RORA: variants seen among roughly 807,000 people sequenced by gnomAD.
RORA encodes the protein nuclear receptor ROR-alpha.
A neutral mutation model predicts 69.5 loss-of-function variants in RORA; 7 were observed. The observed-to-expected ratio is 0.10, with a 90% CI of 0.06 to 0.19. RORA has a LOEUF of 0.19. Among genes scored for constraint, RORA ranks in the 10% least tolerant of loss-of-function variants. The pLI is 1.00. For synonymous variants in RORA, 261 were observed against 240.8 expected (o/e 1.08, Z -0.78); for missense variants, 457 against 663.0 (o/e 0.69, Z 3.41).
chr15:60,705,934 C>G (rs1374863369), intron 1 of RORA, among the ~76,000 whole-genome samples: 1 of 152,144 alleles, frequency 6.6e-6, no homozygotes, highest in East Asian at 1.9e-4. Context: ...CTAATTAATC[C>G]TCTTAGGGTC....
At chr15:61,127,756 A>T (rs2079155840) in intron 1 of RORA, among the ~76,000 whole-genome samples, 1 of 152,158 alleles carries the variant, frequency 6.6e-6, no homozygotes, top group African/African-American at 2.4e-5. Flanking sequence ...CCTTGAGCTC[A>T]TTTGTCATCA....
chr15:60,639,589 T>C (rs1409131315), intron 2 of RORA, among the ~76,000 whole-genome samples: 2 of 152,140 alleles, frequency 1.3e-5, no homozygotes, highest in African/African-American at 2.4e-5. Context: ...ATTTCGAACA[T>C]TGAAACTGTA....
chr15:61,223,372 T>G (rs2140950222), intron 1 of RORA, among the ~76,000 whole-genome samples: 1 of 148,994 alleles, frequency 6.7e-6, no homozygotes, highest in South Asian at 2.1e-4. Flanking sequence ...AAGAAAGAAT[T>G]AAGAAGAGCC....
At chr15:61,197,613 CTCCGTCAGG>C (rs2079856915) in intron 1 of RORA, among the ~76,000 whole-genome samples, 1 of 152,166 alleles carries the variant, frequency 6.6e-6, no homozygotes, top group Non-Finnish European at 1.5e-5. Context: ...CTAAACCGGG[CTCCGTCAGG>C]TGAGGCTGAG....
chr15:60,879,646 T>C (rs2073656961), intron 1 of RORA, among the ~76,000 whole-genome samples: 1 of 152,172 alleles, frequency 6.6e-6, no homozygotes. Context: ...AGAAACAAAT[T>C]TGAGGACTCA....
intron 3 of RORA, among the ~76,000 whole-genome samples, chr15:60,521,038 A>G (rs192187309): frequency 6.6e-6 from 1 of 152,252 alleles, no homozygotes; most frequent in African/African-American, 2.4e-5. Context: ...TTGGTGCTGA[A>G]AGACTTTGAG....
intron 1 of RORA, among the ~76,000 whole-genome samples, chr15:60,854,953 G>A (rs2073364303): frequency 6.6e-6 from 1 of 152,154 alleles, no homozygotes; most frequent in Admixed American, 6.5e-5. Flanking sequence ...TCCTTCTAAA[G>A]TTCTGTGCCT....
chr15:60,776,778 C>T (rs2072173687), intron 1 of RORA, among the ~76,000 whole-genome samples: 1 of 152,158 alleles, frequency 6.6e-6, no homozygotes, highest in South Asian at 2.1e-4. Context: ...AGTAACAGTG[C>T]AATTACCGTC....
At chr15:60,869,654 C>A (rs189252729) in intron 1 of RORA, among the ~76,000 whole-genome samples, 15 of 152,306 alleles carry the variant, frequency 9.8e-5, no homozygotes, top group Middle Eastern at 3.4e-3. Context: ...TTTAAATTTG[C>A]CCCAGCTGCT....
intron 1 of RORA, among the ~76,000 whole-genome samples, chr15:61,097,358 A>C (rs567592515): frequency 7.0e-4 from 106 of 152,232 alleles, no homozygotes; most frequent in African/African-American, 2.5e-3. Flanking sequence ...TTTGCTGCAA[A>C]CTTTCCCCAG....
intron 1 of RORA, among the ~76,000 whole-genome samples, chr15:60,766,818 C>T (rs1464049067): frequency 6.6e-6 from 1 of 152,098 alleles, no homozygotes; most frequent in African/African-American, 2.4e-5. Context: ...TGTTGGCTTG[C>T]TTTTCCTCGC....
At chr15:61,058,706 G>A (rs1465604229) in intron 1 of RORA, among the ~76,000 whole-genome samples, 2 of 152,160 alleles carry the variant, frequency 1.3e-5, no homozygotes, top group Non-Finnish European at 2.9e-5. Context: ...TCTGTCTAGG[G>A]CCTAGCACTT....
At chr15:60,698,133 A>G (rs1406107991) in intron 1 of RORA, among the ~76,000 whole-genome samples, 1 of 152,202 alleles carries the variant, frequency 6.6e-6, no homozygotes, top group African/African-American at 2.4e-5. Flanking sequence ...TGATTTTTAT[A>G]TATACTCCAT....
At chr15:60,744,440 A>C (rs1455280053) in intron 1 of RORA, among the ~76,000 whole-genome samples, 1 of 152,124 alleles carries the variant, frequency 6.6e-6, no homozygotes, top group African/African-American at 2.4e-5. Flanking sequence ...ATATCCAGGG[A>C]GGCATCTTGC....
At chr15:60,737,099 C>T (rs1277806786) in intron 1 of RORA, among the ~76,000 whole-genome samples, 2 of 152,152 alleles carry the variant, frequency 1.3e-5, no homozygotes, top group Non-Finnish European at 2.9e-5. Flanking sequence ...TCTGCTACAA[C>T]CATTTCATAG....
Position 60,932,722 on chromosome 15 carries a change from C to T in RORA, c.167-254036G>A, listed in dbSNP as rs1892411052. On this transcript the variant is annotated intron_variant, in intron 1 of 10. Transcript: ENST00000335670. ...GTAGGTGGTTCCGACTTCTCTGAGT[C>T]AGAACCAAGCCCATGGCCCAGCCCC... Among the ~76,000 whole-genome samples, 6 of 152,196 alleles carry T rather than the reference C, an allele frequency of 3.9e-5. No homozygotes were observed. In the South Asian group the frequency reaches 1.2e-3, roughly 32 times the overall value.
At chr15:61,047,656 T>G (rs1897096830) in intron 1 of RORA, among the ~76,000 whole-genome samples, 1 of 152,220 alleles carries the variant, frequency 6.6e-6, no homozygotes, top group African/African-American at 2.4e-5. Flanking sequence ...ATCACTCATT[T>G]TGCGGTATTG....
chr15:61,018,591 TGCATGCATGTATATACGGA>T (rs1895387293), intron 1 of RORA, among the ~76,000 whole-genome samples: 1 of 152,166 alleles, frequency 6.6e-6, no homozygotes, highest in South Asian at 2.1e-4. Context: ...TATATACATC[TGCATGCATGTATATACGGA>T]GCATGCATGT....
intron 1 of RORA, among the ~76,000 whole-genome samples, chr15:61,184,711 G>A (rs2079722785): frequency 6.6e-6 from 1 of 152,138 alleles, no homozygotes; most frequent in Non-Finnish European, 1.5e-5. Context: ...TAGGCTGGGA[G>A]TGATGGCTCA....
Sources: allele counts gnomAD v4.1 joint callset (sites outside exome capture counted in the v4.1 genomes callset), GRCh38; gene constraint gnomAD v4.1.1; transcripts MANE v1.5; gene names NCBI Gene and HGNC (gene_info 2026-07-23, HGNC 2026-07-21).